The following CFAP299 variants were observed in gnomAD, a reference collection of about 807,000 sequenced individuals.
CFAP299 encodes the protein cilia and flagella associated protein 299, also known as cilia- and flagella-associated protein 299.
CFAP299 carries 21 observed loss-of-function variants against 27.0 expected under a neutral mutation model. That is an observed-to-expected ratio of 0.78 (90% CI 0.55 to 1.12). The LOEUF (loss-of-function observed/expected upper bound fraction) is 1.12, where lower values mean the gene tolerates loss of function less well. Ranked by LOEUF, CFAP299 falls within the 50% of genes most tolerant of loss-of-function variation. The probability of loss-of-function intolerance (pLI) is 0.00; values close to 1 mark genes in which losing one functional copy is unlikely to be tolerated. For missense variants in CFAP299, 310 were observed against 276.6 expected (o/e 1.12, Z -0.86); for synonymous variants, 104 against 98.1 (o/e 1.06, Z -0.36).
rs373292123 is a variant in CFAP299, at chr4:80,670,933, A to G, written c.333+87750A>G. On this transcript the variant is annotated intron_variant, in intron 3 of 5. Transcript: ENST00000358105. ...GATTGCAAAAATTTTCTCCCATTCT[A>G]TAGGTTGCCTGTTCACTCTGATGGT... Among the ~76,000 whole-genome samples, 278 of 152,144 alleles carry G rather than the reference A, an allele frequency of 1.8e-3. 1 individual carries two copies. Among genetic ancestry groups the G allele is most frequent in the African/African-American group, 6.4e-3 (265 of 41,528 alleles).
intron 2 of CFAP299, chr4:80,388,423 T>C: frequency 1.3e-6 from 1 of 778,554 alleles, no homozygotes; most frequent in Non-Finnish European, 2.2e-6. Context: ...CTGCCGAAGG[T>C]GTGTAGATTG....
intron 4 of CFAP299, among the ~76,000 whole-genome samples, chr4:80,943,421 C>G (rs910965382): frequency 6.6e-6 from 1 of 151,914 alleles, no homozygotes; most frequent in African/African-American, 2.4e-5. Flanking sequence ...TAAGTTTAAA[C>G]AATGAAACTT....
intron 2 of CFAP299, among the ~76,000 whole-genome samples, chr4:80,519,970 G>A: frequency 6.6e-6 from 1 of 152,276 alleles, no homozygotes; most frequent in South Asian, 2.1e-4. Context: ...TGCAGTTAGT[G>A]AAGGTCAGGA....
intron 2 of CFAP299, among the ~76,000 whole-genome samples, chr4:80,394,107 A>T (rs1402308187): frequency 6.6e-6 from 1 of 152,088 alleles, no homozygotes; most frequent in Non-Finnish European, 1.5e-5. Flanking sequence ...ACCTTCCTCC[A>T]TGATTGTAAG....
At chr4:80,449,497 G>A (rs1444938358) in intron 2 of CFAP299, among the ~76,000 whole-genome samples, 1 of 151,220 alleles carries the variant, frequency 6.6e-6, no homozygotes, top group Non-Finnish European at 1.5e-5. Context: ...TTACTTCAAG[G>A]TTTAGAGGGT....
intron 3 of CFAP299, among the ~76,000 whole-genome samples, chr4:80,704,270 G>A (rs1436777993): frequency 1.3e-5 from 2 of 151,502 alleles, no homozygotes; most frequent in Non-Finnish European, 1.5e-5. Flanking sequence ...ATAAAGATGG[G>A]GAAAAGTCGA....
chr4:80,510,332 A>G (rs1175946188), intron 2 of CFAP299, among the ~76,000 whole-genome samples: 1 of 152,168 alleles, frequency 6.6e-6, no homozygotes, highest in East Asian at 1.9e-4. Context: ...CCCATCTTCT[A>G]GCTGCTGTGA....
rs185285009 is a variant in CFAP299, at chr4:80,433,122, T to G, written c.242+70238T>G. 8.7e-4 allele frequency among the ~76,000 whole-genome samples: 132 copies of G among 152,276 alleles called. 1 individual carries two copies. The highest frequency in any genetic ancestry group is 3.1e-3 in the African/African-American group (130 of 41,536). ...TTTTTCTGAACTCATTGTCCTTAAT[T>G]TATCCTGTTCATCTGTTAGTTCCTA... On this transcript the variant is annotated intron_variant, in intron 2 of 5. Transcript: ENST00000358105.
chr4:80,518,498 A>T (rs1377630546), intron 2 of CFAP299, among the ~76,000 whole-genome samples: 2 of 152,212 alleles, frequency 1.3e-5, no homozygotes, highest in Non-Finnish European at 2.9e-5. Flanking sequence ...GGGCAAGAAC[A>T]TAAAGAAAAT....
At chr4:80,374,968 C>T (rs1336565097) in intron 2 of CFAP299, among the ~76,000 whole-genome samples, 5 of 151,608 alleles carry the variant, frequency 3.3e-5, no homozygotes, top group Admixed American at 6.6e-5. Context: ...ACATCTTATT[C>T]GACTTGCCCA....
chr4:80,423,004 A>G (rs1444731064), intron 2 of CFAP299, among the ~76,000 whole-genome samples: 1 of 152,236 alleles, frequency 6.6e-6, no homozygotes, highest in South Asian at 2.1e-4. Context: ...GTAGGCAATT[A>G]TGTAACACAA....
At chr4:80,771,692 A>G (rs755401991) in intron 3 of CFAP299, among the ~76,000 whole-genome samples, 1 of 152,164 alleles carries the variant, frequency 6.6e-6, no homozygotes, top group Non-Finnish European at 1.5e-5. Flanking sequence ...TTGCTCAGGC[A>G]TCTTAAATAC....
chr4:80,723,165 C>A (rs1722936827), intron 3 of CFAP299, among the ~76,000 whole-genome samples: 1 of 151,932 alleles, frequency 6.6e-6, no homozygotes, highest in African/African-American at 2.4e-5. Context: ...GAAAATGGTA[C>A]CATCGCTTAG....
intron 2 of CFAP299, among the ~76,000 whole-genome samples, chr4:80,529,295 TC>T (rs1207428633): frequency 6.6e-6 from 1 of 152,160 alleles, no homozygotes; most frequent in Non-Finnish European, 1.5e-5. Flanking sequence ...ATATGACTTA[TC>T]TTTTTGTTGT....
At chr4:80,386,366 C>A in intron 2 of CFAP299, 1 of 1,470,254 alleles carries the variant, frequency 6.8e-7, no homozygotes. Flanking sequence ...CTGCGAAGGG[C>A]GGCTTGCCCG....
chr4:80,862,845 T>C lies in CFAP299; in HGVS notation c.334-7148T>C, dbSNP rs1360453824. On this transcript the variant is annotated intron_variant, in intron 3 of 5. Transcript: ENST00000358105. ...TGCGATTGACTGAGATAATATAGAA[T>C]TTAAAAACAGTTATCAGCACAAAAC... Among the ~76,000 whole-genome samples the C allele has an allele frequency of 2.0e-5, 3 of 152,092 alleles. No homozygotes were observed. In the East Asian group the frequency reaches 5.8e-4, roughly 29 times the overall value.
upstream of CFAP299, chr4:80,335,707 G>C (rs1722096526): frequency 1.1e-6 from 1 of 947,218 alleles, no homozygotes; most frequent in Non-Finnish European, 1.7e-6. Flanking sequence ...GAAGTGGGTG[G>C]AGCCTCCTGA....
At chr4:80,878,872 T>C (rs1307587048) in intron 4 of CFAP299, among the ~76,000 whole-genome samples, 1 of 152,152 alleles carries the variant, frequency 6.6e-6, no homozygotes, top group Non-Finnish European at 1.5e-5. Flanking sequence ...TTCCTTGAGA[T>C]ATTGTCTTAT....
At chr4:80,895,865 C>T in intron 4 of CFAP299, among the ~76,000 whole-genome samples, 1 of 151,996 alleles carries the variant, frequency 6.6e-6, no homozygotes, top group African/African-American at 2.4e-5. Flanking sequence ...AATTAGAATT[C>T]ATTCAAACAA....
Sources: gnomAD v4.1 joint callset for allele counts (sites outside exome capture counted in the v4.1 genomes callset) on GRCh38, gnomAD v4.1.1 for gene constraint, MANE v1.5 for transcripts, NCBI Gene and HGNC (gene_info 2026-07-23, HGNC 2026-07-21) for gene names.